C11orf65: variants seen among roughly 807,000 people sequenced by gnomAD.
C11orf65 encodes the protein chromosome 11 open reading frame 65.
In C11orf65, 38 loss-of-function variants were observed where a neutral mutation model predicts 35.3. The ratio of observed to expected loss-of-function variants is 1.08; its 90% CI spans 0.83 to 1.41. The LOEUF (loss-of-function observed/expected upper bound fraction) is 1.41, where lower values mean the gene tolerates loss of function less well. Among genes scored for constraint, C11orf65 ranks in the 40% most tolerant of loss-of-function variants. The pLI, the probability that C11orf65 is intolerant of heterozygous loss-of-function variation, is 0.00. For missense variants in C11orf65, 370 were observed against 367.1 expected, an observed-to-expected ratio of 1.01 and a Z score of -0.06; for synonymous variants, 105 against 114.4, an observed-to-expected ratio of 0.92 and a Z score of 0.53.
rs1591167954 is a variant in C11orf65 at position 108,331,533 on chromosome 11, A to G, written c.*17T>C. ...TGGGGACCAAGATGATGGGAGGCCTAGGATTTCATGAAGTCCTCAATAATG... is the reference window on the plus strand; with the variant it reads ...TGGGGACCAAGATGATGGGAGGCCTGGGATTTCATGAAGTCCTCAATAATG... On this transcript the variant is annotated 3_prime_UTR_variant, in exon 4 of 4. Transcript: ENST00000524755. The G allele has an allele frequency of 3.7e-6, 6 of 1,613,096 alleles. No homozygotes were observed. Among genetic ancestry groups the G allele is most frequent in the Non-Finnish European group, 5.1e-6 (6 of 1,179,596 alleles).
downstream of C11orf65, among the ~76,000 whole-genome samples, chr11:108,381,624 T>C (rs1014391724): frequency 2.7e-4 from 41 of 152,036 alleles, no homozygotes; most frequent in African/African-American, 9.9e-4. Context: ...CTCTAATTTC[T>C]AATTCTCTAA....
chr11:108,456,181 A>C (rs1236469798), intron 2 of C11orf65, among the ~76,000 whole-genome samples: 1 of 152,178 alleles, frequency 6.6e-6, no homozygotes. Flanking sequence ...ATACACAAAT[A>C]GACCAATGCA....
intron 2 of C11orf65, among the ~76,000 whole-genome samples, chr11:108,442,409 C>T (rs2093169705): frequency 6.6e-6 from 1 of 152,100 alleles, no homozygotes. Flanking sequence ...CTTAAGAATA[C>T]TATCCAGGAG....
chr11:108,397,481 A>G (rs1405938770), intron 6 of C11orf65, among the ~76,000 whole-genome samples: 4 of 152,200 alleles, frequency 2.6e-5, no homozygotes, highest in African/African-American at 7.2e-5. Context: ...CAACAGAGAG[A>G]GAAGTTAAAA....
downstream of C11orf65, chr11:108,331,359 C>G (rs1439188496): frequency 2.3e-5 from 35 of 1,521,704 alleles, no homozygotes; most frequent in South Asian, 1.0e-4. Flanking sequence ...TAGAGGAGCA[C>G]TGTCTTAAAA....
At chr11:108,359,974 CA>C in intron 2 of C11orf65, among the ~76,000 whole-genome samples, 2 of 151,536 alleles carry the variant, frequency 1.3e-5, no homozygotes, top group East Asian at 3.9e-4. Flanking sequence ...AATAGAGACA[CA>C]AAAAACCCTT....
chr11:108,351,582 T>C (rs907163336), intron 2 of C11orf65, among the ~76,000 whole-genome samples: 1 of 152,202 alleles, frequency 6.6e-6, no homozygotes, highest in Admixed American at 6.5e-5. Context: ...AGTTCATGAT[T>C]GCTTCTTCAC....
Position 108,332,759 on chromosome 11 carries a change from T to G in C11orf65, c.300-1192A>C, listed in dbSNP as rs864622185. ...TGTAATGTTTTTTGTTTTTTATTAA[T>G]AGGATCGAACAGAGGCTGCAAATAG... On this transcript the variant is annotated intron_variant, in intron 3 of 3. Transcript: ENST00000524755. 6 of 1,612,118 alleles carry G rather than the reference T, an allele frequency of 3.7e-6. No homozygotes were observed. The highest frequency in any genetic ancestry group is 5.1e-6 in the Non-Finnish European group (6 of 1,179,550).
chr11:108,468,242 C>G (rs1335053498), upstream of C11orf65, among the ~76,000 whole-genome samples: 1 of 152,240 alleles, frequency 6.6e-6, no homozygotes, highest in East Asian at 1.9e-4. Flanking sequence ...ACGTGACTTG[C>G]AGTCCAATGT....
intron 2 of C11orf65, among the ~76,000 whole-genome samples, chr11:108,373,559 T>C (rs1215435903): frequency 6.6e-6 from 1 of 152,134 alleles, no homozygotes; most frequent in Non-Finnish European, 1.5e-5. Flanking sequence ...GATGGCCAAA[T>C]AGGAACAGCT....
rs1194651972 is a variant in C11orf65, at chr11:108,461,508, C to T, written c.52G>A (p.Val18Ile). The change falls in exon 2 of 9, where the codon GTC becomes ATC. Residue 18 changes from valine (V) to isoleucine (I), a missense_variant. Coordinates refer to ENST00000393084, the MANE Select transcript of C11orf65 (RefSeq NM_152587.5). ...AAACTTTTCCAGGCCTGCTGAATGA[C>T]TCTGGCAGCCTTATCCTGCTTTGTA... is the stretch of plus-strand genomic sequence containing the variant. ...EFTKQDKAAR[V>I]IQQAWKSFLN... The T allele has an allele frequency of 1.2e-6, 2 of 1,610,824 alleles. No homozygotes were observed. Among genetic ancestry groups the T allele is most frequent in the South Asian group, 2.2e-5 (2 of 90,030 alleles).
At chr11:108,381,243 T>TAGTGGGAGTTTGTGCTTGG (rs1227651795), downstream of C11orf65, among the ~76,000 whole-genome samples, 2 of 152,148 alleles carry the variant, frequency 1.3e-5, no homozygotes, top group Non-Finnish European at 2.9e-5. Context: ...CTACTCTCAG[T>TAGTGGGAGTTTGTGCTTGG]GATCCCTTGG....
In C11orf65 at chr11:108,320,056, C is replaced by G. The variant is rs2136222693; in HGVS notation, c.641-10985G>C. The G allele has an allele frequency of 6.3e-7, 1 of 1,581,874 alleles. No individual in the cohort carries two copies. The stretch of plus-strand genomic sequence containing the variant: ...CATTTTATGAAAGTCTCAAATATGC[C>G]AGGTATTATGAAAAGACAAAGTTAC... On this transcript the variant is annotated intron_variant, in intron 6 of 6. Coordinates refer to the C11orf65 transcript ENST00000525729.
At chr11:108,445,172 C>A (rs2093232801) in intron 2 of C11orf65, among the ~76,000 whole-genome samples, 1 of 152,194 alleles carries the variant, frequency 6.6e-6, no homozygotes, top group South Asian at 2.1e-4. Flanking sequence ...GGCTCCACCT[C>A]TGGGGGAAGG....
intron 2 of C11orf65, among the ~76,000 whole-genome samples, chr11:108,441,799 C>A (rs1050794969): frequency 6.6e-6 from 1 of 152,210 alleles, no homozygotes; most frequent in African/African-American, 2.4e-5. Context: ...AGGACACCCA[C>A]ACCAAAATCC....
chr11:108,329,652 C>T (rs549779661), downstream of C11orf65, among the ~76,000 whole-genome samples: 1 of 152,282 alleles, frequency 6.6e-6, no homozygotes, highest in Middle Eastern at 3.4e-3. Flanking sequence ...CTCAAACGAT[C>T]TGCCCACCTT....
intron 1 of C11orf65, among the ~76,000 whole-genome samples, chr11:108,462,903 T>C (rs777146820): frequency 6.6e-6 from 1 of 152,180 alleles, no homozygotes; most frequent in Non-Finnish European, 1.5e-5. Flanking sequence ...GAGGATTTCT[T>C]GAGGCCAGGA....
chr11:108,407,254 A>G lies in C11orf65; in HGVS notation c.175-105T>C, dbSNP rs1441315421. 27 of 855,172 alleles carry G rather than the reference A, an allele frequency of 3.2e-5. No homozygotes were observed. In the South Asian group the frequency reaches 6.4e-4, roughly 20 times the overall value. The allele number at this position is 855,172 out of a possible 1,614,324, so 53.0% of individuals were successfully genotyped here. A position where few individuals can be genotyped will look rare whatever the true frequency, so the allele number is the denominator to read the frequency against. On this transcript the variant is annotated intron_variant, in intron 3 of 8. Transcript: ENST00000393084. The stretch of plus-strand genomic sequence containing the variant: ...TTTAAATAATTGCTAAATATTGACT[A>G]TTTAGGAAATCAGTCAGGTGAACCA...
intron 1 of C11orf65, among the ~76,000 whole-genome samples, chr11:108,466,103 G>GGAT (rs2093533918): frequency 6.6e-6 from 1 of 152,150 alleles, no homozygotes; most frequent in Non-Finnish European, 1.5e-5. Context: ...GCAAAAAAAG[G>GGAT]GATAAGTTAA....
Sources: allele counts gnomAD v4.1 joint callset (sites outside exome capture counted in the v4.1 genomes callset), GRCh38; gene constraint gnomAD v4.1.1; transcripts MANE v1.5; gene names NCBI Gene and HGNC (gene_info 2026-07-23, HGNC 2026-07-21).